Variants in CFAP298 observed in about 807,000 individuals in gnomAD.
CFAP298 encodes cilia- and flagella-associated protein 298.
In CFAP298, 38 loss-of-function variants were observed where a neutral mutation model predicts 41.0. The ratio of observed to expected loss-of-function variants is 0.93; its 90% CI spans 0.72 to 1.22. The LOEUF (loss-of-function observed/expected upper bound fraction) is 1.22, where lower values mean the gene tolerates loss of function less well. Among genes scored for constraint, CFAP298 ranks in the 50% most tolerant of loss-of-function variants. The pLI is 0.00. For missense variants in CFAP298, 348 were observed against 360.3 expected (o/e 0.97, Z 0.28); for synonymous variants, 137 against 135.3 (o/e 1.01, Z -0.09).
In CFAP298 at chr21:32,608,937, G is replaced by A. The variant is rs1051250170; in HGVS notation, c.307+901C>T. 3.3e-5 allele frequency among the ~76,000 whole-genome samples: 5 copies of A among 152,138 alleles called. No individual in the cohort carries two copies. In the East Asian group the frequency reaches 9.6e-4, roughly 29 times the overall value. ...TTCTTTTACTCCTAACAGTGTTTTA[G>A]GGCTGTTCAATTACAGTGTTTTAAA... On this transcript the variant is annotated intron_variant, in intron 2 of 6. Transcript: ENST00000290155.
chr21:32,610,567 TA>T (rs1370530471), intron 1 of CFAP298, among the ~76,000 whole-genome samples: 3 of 152,238 alleles, frequency 2.0e-5, no homozygotes, highest in Non-Finnish European at 4.4e-5. Context: ...TTCAGTTCAC[TA>T]ATGTGACTCT....
At chr21:32,608,787 G>C (rs1221487641) in intron 2 of CFAP298, among the ~76,000 whole-genome samples, 2 of 151,014 alleles carry the variant, frequency 1.3e-5, no homozygotes, top group African/African-American at 2.4e-5. Flanking sequence ...TCTTACGTAA[G>C]AAAGCTGTGG....
Position 32,606,131 on chromosome 21 carries a change from T to G in CFAP298, c.375+1518A>C, listed in dbSNP as rs113829118. 1.7e-3 allele frequency among the ~76,000 whole-genome samples: 257 copies of G among 151,974 alleles called. 4 individuals carry two copies. Among genetic ancestry groups the G allele is most frequent in the African/African-American group, 6.0e-3 (249 of 41,422 alleles). ...TGGAAACAGAGAAGCTCATAGGAGG[T>G]GCTGATTCTCAGGGACAGAACAGAG... is the stretch of plus-strand genomic sequence containing the variant. On this transcript the variant is annotated intron_variant, in intron 3 of 6. Transcript: ENST00000290155.
rs923206434 is a variant in CFAP298, at chr21:32,600,130, T to C, written c.*1733A>G. Among the ~76,000 whole-genome samples, 1 of 152,238 alleles carries C rather than the reference T, an allele frequency of 6.6e-6. No individual in the cohort carries two copies. Among genetic ancestry groups the C allele is most frequent in the African/African-American group, 2.4e-5 (1 of 41,466 alleles). ...GAACTATACACTGACAAAGACAGGA[T>C]GCTCCTGAAATAAAATCACAGCATC... On this transcript the variant is annotated 3_prime_UTR_variant, in exon 7 of 7. Transcript: ENST00000290155.
Position 32,604,297 on chromosome 21 carries a change from G to A in CFAP298, c.376-14C>T. On this transcript the variant is annotated splice_polypyrimidine_tract_variant and intron_variant, in intron 3 of 6. Transcript: ENST00000290155. ...TTCCACTTGTTTCTGCAAGCAGAAA[G>A]CCATCGTTATCTACAGTGTGGCTAA... 1 of 1,613,878 alleles carries A rather than the reference G, an allele frequency of 6.2e-7. No individual in the cohort carries two copies. Among genetic ancestry groups the A allele is most frequent in the Non-Finnish European group, 8.5e-7 (1 of 1,179,860 alleles).
chr21:32,611,058 C>T (rs974527011), intron 1 of CFAP298, among the ~76,000 whole-genome samples: 28 of 151,814 alleles, frequency 1.8e-4, no homozygotes, highest in African/African-American at 6.3e-4. Context: ...AATCCTAGCA[C>T]TTTGGGAGGC....
rs147710659 is a variant in CFAP298 at position 32,601,592 on chromosome 21, C to T, written c.*271G>A. 3.4e-4 allele frequency: 93 copies of T among 272,416 alleles called. No homozygotes were observed. The highest frequency in any genetic ancestry group is 1.8e-3 in the African/African-American group (81 of 45,206). The allele number at this position is 272,416 out of a possible 1,614,324, so 16.9% of individuals were successfully genotyped here. A position where few individuals can be genotyped will look rare whatever the true frequency, so the allele number is the denominator to read the frequency against. On this transcript the variant is annotated 3_prime_UTR_variant, in exon 7 of 7. Transcript: ENST00000290155. The stretch of plus-strand genomic sequence containing the variant: ...GATTACAGGCGTGAGCCACCGCGCC[C>T]GGCCAAAAGTTTAGTATTTTATCAA...
chr21:32,609,845 A>G lies in CFAP298; in HGVS notation c.300T>C (p.Asn100=), dbSNP rs769310705. ...AGAGAAATCCTCACTTACCTTGCCCATTCCTTCGTCCAATATCATCCTTTT... is the reference window on the plus strand; with the variant it reads ...AGAGAAATCCTCACTTACCTTGCCCGTTCCTTCGTCCAATATCATCCTTTT... The part of the protein sequence containing the change: ...VFKKDDIGRR[N]GQAPNEKMKQ... Residue 100 remains asparagine (N), a synonymous_variant, in exon 2 of 7, where the codon AAT becomes AAC. Coordinates refer to ENST00000290155, the MANE Select transcript of CFAP298 (RefSeq NM_021254.4). The G allele has an allele frequency of 2.5e-6, 4 of 1,613,222 alleles. No homozygotes were observed. The highest frequency in any genetic ancestry group is 1.6e-4 in the Middle Eastern group (1 of 6,080).
At chr21:32,611,920 A>G (rs1379311951) in intron 1 of CFAP298, among the ~76,000 whole-genome samples, 185 bp downstream of exon 1, 1 of 152,060 alleles carries the variant, frequency 6.6e-6, no homozygotes, top group East Asian at 1.9e-4. Context: ...GGTGTCAGAC[A>G]GGCCGGATCT....
In CFAP298 at chr21:32,607,721, A is replaced by C; in HGVS notation, c.308-5T>G. 1 of 1,569,722 alleles carries C rather than the reference A, an allele frequency of 6.4e-7. No homozygotes were observed. Among genetic ancestry groups the C allele is most frequent in the Non-Finnish European group, 8.7e-7 (1 of 1,146,522 alleles). ...GCTTCATCTTCTCATTTGGAGCTAT[A>C]AAAATAAAAAGGAGAGAGGGAGAAA... On this transcript the variant is annotated splice_region_variant and splice_polypyrimidine_tract_variant and intron_variant, in intron 2 of 6. Coordinates refer to ENST00000290155, the MANE Select transcript of CFAP298 (RefSeq NM_021254.4).
chr21:32,600,429 C>T lies in CFAP298; in HGVS notation c.*1434G>A, dbSNP rs1355656860. On this transcript the variant is annotated 3_prime_UTR_variant, in exon 7 of 7. Coordinates refer to ENST00000290155, the MANE Select transcript of CFAP298 (RefSeq NM_021254.4). ...CACTCACTCCCAGGGTTCCTCTTTG[C>T]AGGATGGTGGGGAGCGCAGGCACCA... 2.0e-5 allele frequency among the ~76,000 whole-genome samples: 3 copies of T among 152,196 alleles called. No individual in the cohort carries two copies. The highest frequency in any genetic ancestry group is 4.4e-5 in the Non-Finnish European group (3 of 68,018).
intron 5 of CFAP298, chr21:32,602,770 C>T (rs751725630): frequency 1.7e-5 from 23 of 1,317,764 alleles, no homozygotes; most frequent in African/African-American, 3.0e-5. Flanking sequence ...CAGCGCTACA[C>T]GATGTCCTTC....
chr21:32,604,619 C>G (rs1012320865), intron 3 of CFAP298: 11 of 282,906 alleles, frequency 3.9e-5, no homozygotes, highest in African/African-American at 2.2e-4. Flanking sequence ...CCTCGAAATG[C>G]AGATGGGCTG....
chr21:32,611,281 G>A (rs2038985348), intron 1 of CFAP298, among the ~76,000 whole-genome samples: 1 of 140,442 alleles, frequency 7.1e-6, no homozygotes. Flanking sequence ...TCCAGCCTGG[G>A]CAACAGTAAG....
intron 5 of CFAP298, 36 bp from the exon 6 acceptor site, chr21:32,602,403 G>A: frequency 6.3e-7 from 1 of 1,596,794 alleles, no homozygotes; most frequent in Non-Finnish European, 8.5e-7. Context: ...TGTGGATTAA[G>A]GTGTTCTTAG....
At chr21:32,602,179 T>C (rs1265958805) in intron 6 of CFAP298, 93 bp downstream of exon 6, 1 of 1,275,454 alleles carries the variant, frequency 7.8e-7, no homozygotes, top group East Asian at 2.3e-5. Flanking sequence ...CCCGGCATTC[T>C]GCAGAGCTCA....
Position 32,601,729 on chromosome 21 carries a change from CA to C in CFAP298, c.*133del. On this transcript the variant is annotated 3_prime_UTR_variant, in exon 7 of 7. Transcript: ENST00000290155. The stretch of plus-strand genomic sequence containing the variant: ...TTGAATAACTGCTATTTTAAAAATT[CA>C]CACTAAAAGAAAACTAGAAATGTTA... 3.5e-6 allele frequency: 2 copies of C among 564,302 alleles called. No homozygotes were observed. The highest frequency in any genetic ancestry group is 6.3e-6 in the Non-Finnish European group (2 of 316,720). 35.0% of individuals were successfully genotyped at this position (564,302 alleles called of 1,614,324 possible). A position where few individuals can be genotyped will look rare whatever the true frequency, so the allele number is the denominator to read the frequency against.
intron 1 of CFAP298, 116 bp from the exon 2 acceptor site, chr21:32,610,121 A>G (rs2038958123): frequency 1.1e-6 from 1 of 892,854 alleles, no homozygotes; most frequent in Admixed American, 2.6e-5. Flanking sequence ...TGGAACAAAC[A>G]TTTATATGCC....
At chr21:32,609,091 C>T (rs1035643218) in intron 2 of CFAP298, among the ~76,000 whole-genome samples, 1 of 152,168 alleles carries the variant, frequency 6.6e-6, no homozygotes, top group Non-Finnish European at 1.5e-5. Context: ...AGTGCTCTGC[C>T]CCAGAGAGAA....
Sources: allele counts gnomAD v4.1 joint callset (sites outside exome capture counted in the v4.1 genomes callset), GRCh38; gene constraint gnomAD v4.1.1; transcripts MANE v1.5; gene names NCBI Gene and HGNC (gene_info 2026-07-23, HGNC 2026-07-21).